TMPRSS7: variants seen among roughly 807,000 people sequenced by gnomAD.
The protein encoded by TMPRSS7 is transmembrane serine protease 7.
In TMPRSS7, 81 loss-of-function variants were observed where a neutral mutation model predicts 95.6. That is an observed-to-expected ratio of 0.85 (90% CI 0.71 to 1.02). TMPRSS7 has a LOEUF of 1.02. Ranked by LOEUF, TMPRSS7 falls within the 50% of genes least tolerant of loss-of-function variation. The probability of loss-of-function intolerance (pLI) is 0.00; values close to 1 mark genes in which losing one functional copy is unlikely to be tolerated. For synonymous variants in TMPRSS7, 364 were observed against 337.8 expected, an observed-to-expected ratio of 1.08 and a Z score of -0.85; for missense variants, 945 against 955.2, an observed-to-expected ratio of 0.99 and a Z score of 0.14.
chr3:112,067,652 C>T (rs1015484925), intron 13 of TMPRSS7, among the ~76,000 whole-genome samples: 3 of 152,132 alleles, frequency 2.0e-5, no homozygotes, highest in African/African-American at 7.2e-5. Flanking sequence ...CTGTTCATAT[C>T]CTTTGCCCAC....
intron 13 of TMPRSS7, among the ~76,000 whole-genome samples, chr3:112,071,047 C>A (rs901442968): frequency 1.2e-4 from 19 of 152,304 alleles, no homozygotes; most frequent in African/African-American, 4.3e-4. Flanking sequence ...GCATCGATGA[C>A]CTTTACAATT....
intron 6 of TMPRSS7, chr3:112,047,436 G>T (rs1046961287): frequency 3.5e-6 from 2 of 575,156 alleles, no homozygotes; most frequent in Non-Finnish European, 3.3e-6. Context: ...TCATTGTCTG[G>T]ATTGACTGAC....
rs745957717 is a variant in TMPRSS7, at chr3:112,063,604, C to T, written c.1527C>T (p.Cys509=). Residue 509 remains cysteine (C), a synonymous_variant, in exon 12 of 18, where the codon TGC becomes TGT. Transcript: ENST00000452346. ...AGCGTTGTGATGGAGTAAATGACTGCTTTGATGAAAGTGATGAACTGTTTT... is the reference window on the plus strand; with the variant it reads ...AGCGTTGTGATGGAGTAAATGACTGTTTTGATGAAAGTGATGAACTGTTTT... 1.1e-5 allele frequency: 17 copies of T among 1,614,002 alleles called. No individual in the cohort carries two copies. The East Asian group carries it at 3.1e-4, about 30-fold the overall frequency.
chr3:112,047,031 T>A lies in TMPRSS7; in HGVS notation c.730+19T>A. ...GGATCTGGTAAATTCTTTCATGTGG[T>A]TCCCCCTCCCCCCATGTTAATATTG... On this transcript the variant is annotated intron_variant, in intron 6 of 17. Coordinates refer to ENST00000452346, the Ensembl canonical transcript of TMPRSS7. The A allele has an allele frequency of 1.4e-6, 1 of 702,410 alleles. No individual in the cohort carries two copies. Among genetic ancestry groups the A allele is most frequent in the South Asian group, 1.5e-5 (1 of 67,426 alleles). 43.5% of individuals were successfully genotyped at this position (702,410 alleles called of 1,614,324 possible).
chr3:112,072,678 C>T (rs549203373), intron 13 of TMPRSS7, among the ~76,000 whole-genome samples: 19 of 152,340 alleles, frequency 1.2e-4, no homozygotes, highest in African/African-American at 3.8e-4. Context: ...TCAGCAATGG[C>T]GGACGCCCCT....
At chr3:112,047,958 T>A in exon 7 of TMPRSS7, 1 of 1,613,682 alleles carries the variant, frequency 6.2e-7, no homozygotes, top group South Asian at 1.1e-5. Flanking sequence ...CGGAGCAGCA[T>A]CTTGTACAGG....
At chr3:112,066,743 G>T (rs894734727) in intron 13 of TMPRSS7, among the ~76,000 whole-genome samples, 1 of 151,912 alleles carries the variant, frequency 6.6e-6, no homozygotes, top group Non-Finnish European at 1.5e-5. Context: ...GAGTGTGTGT[G>T]TGTGTTCATG....
Position 112,046,209 on chromosome 3 carries a change from C to T in TMPRSS7, c.691+266C>T, listed in dbSNP as rs570132819. Among the ~76,000 whole-genome samples the T allele has an allele frequency of 5.3e-5, 8 of 152,276 alleles. No individual in the cohort carries two copies. The South Asian group carries it at 1.5e-3, about 28-fold the overall frequency. ...TACCTCTACCTACCTTTATTCAGGTCATGCATCATCAAACTAAGTCCCCAA... is the reference window on the plus strand; with the variant it reads ...TACCTCTACCTACCTTTATTCAGGTTATGCATCATCAAACTAAGTCCCCAA... On this transcript the variant is annotated intron_variant, in intron 5 of 17. Transcript: ENST00000452346.
chr3:112,047,544 A>G (rs1359834835), intron 6 of TMPRSS7, 195 bp from the exon 7 acceptor site: 4 of 667,590 alleles, frequency 6.0e-6, no homozygotes, highest in African/African-American at 3.5e-5. Context: ...CAACCAAACT[A>G]TATAGACAGA....
At chr3:112,073,089 CTTTTTTTT>C (rs1156538909) in intron 13 of TMPRSS7, among the ~76,000 whole-genome samples, 2 of 128,464 alleles carry the variant, frequency 1.6e-5, no homozygotes, top group African/African-American at 5.8e-5. Flanking sequence ...TGTTTCCTGA[CTTTTTTTT>C]TTTTTTTTTT....
chr3:112,062,646 T>A (rs919548112), intron 11 of TMPRSS7, among the ~76,000 whole-genome samples: 1 of 152,186 alleles, frequency 6.6e-6, no homozygotes, highest in Non-Finnish European at 1.5e-5. Context: ...GAATATTACA[T>A]CCTGAATTAC....
chr3:112,039,679 C>T (rs559801764), intron 2 of TMPRSS7: 2 of 152,198 alleles, frequency 1.3e-5, no homozygotes, highest in African/African-American at 4.8e-5. Flanking sequence ...TCTAGAGACC[C>T]TTCTGGACCT....
rs2073582675 is a variant in TMPRSS7, at chr3:112,066,838, T to C, written c.1666+336T>C. The stretch of plus-strand genomic sequence containing the variant: ...TGAAAACACTTTTTTTCTTTCTTTT[T>C]AAATTATTATACTTTAATTCTAGGG... On this transcript the variant is annotated intron_variant, in intron 13 of 17. Transcript: ENST00000452346. 5.9e-5 allele frequency among the ~76,000 whole-genome samples: 9 copies of C among 152,188 alleles called. 1 individual carries two copies. The highest frequency in any genetic ancestry group is 5.9e-4 in the Admixed American group (9 of 15,278).
intron 13 of TMPRSS7, among the ~76,000 whole-genome samples, chr3:112,071,769 G>A (rs2073649970): frequency 6.6e-6 from 1 of 152,146 alleles, no homozygotes; most frequent in Admixed American, 6.5e-5. Flanking sequence ...GTGTCACGTA[G>A]TTCTCGTGCC....
chr3:112,062,715 A>G (rs910536045), intron 11 of TMPRSS7, among the ~76,000 whole-genome samples: 1 of 152,184 alleles, frequency 6.6e-6, no homozygotes, highest in Non-Finnish European at 1.5e-5. Context: ...CTTATTTTTA[A>G]TTGTTTTTTT....
chr3:112,051,652 CT>C (rs1445866001), intron 9 of TMPRSS7, among the ~76,000 whole-genome samples: 48 of 80,770 alleles, frequency 5.9e-4, no homozygotes, highest in South Asian at 9.5e-4. Flanking sequence ...ATCTATCTAT[CT>C]ATCTATCTAT....
intron 7 of TMPRSS7, among the ~76,000 whole-genome samples, chr3:112,049,119 G>A (rs2073314873): frequency 6.6e-6 from 1 of 152,182 alleles, no homozygotes; most frequent in Admixed American, 6.5e-5. Flanking sequence ...TCAAGCCCGG[G>A]CCATTCCTTC....
chr3:112,078,397 G>A (rs538123545), intron 16 of TMPRSS7, among the ~76,000 whole-genome samples: 16 of 152,306 alleles, frequency 1.1e-4, no homozygotes, highest in Admixed American at 1.0e-3. Context: ...CATTTAAAGA[G>A]CTCTCTTGAA....
Position 112,074,303 on chromosome 3 carries a change from A to G in TMPRSS7, c.1674A>G (p.Pro558=), listed in dbSNP as rs1365285761. ...TCTTTTGTCCATTGTTAGGTATTCC[A>G]TGCAACAACAGAACTTTTAAGTGTG... The change falls in exon 14 of 18, where the codon CCA becomes CCG. Residue 558 remains proline (P), a synonymous_variant. Transcript: ENST00000452346. 1.9e-6 allele frequency: 3 copies of G among 1,612,470 alleles called. No homozygotes were observed. The African/African-American group carries it at 4.0e-5, about 22-fold the overall frequency.
Sources: gnomAD v4.1 joint callset for allele counts (sites outside exome capture counted in the v4.1 genomes callset) on GRCh38, gnomAD v4.1.1 for gene constraint, MANE v1.5 for transcripts, NCBI Gene and HGNC (gene_info 2026-07-23, HGNC 2026-07-21) for gene names.